The following TSPAN15 variants were observed in gnomAD, a reference collection of about 807,000 sequenced individuals.
TSPAN15 encodes tetraspanin-15.
Under a neutral mutation model 34.5 loss-of-function variants are expected in TSPAN15, and 20 were observed. The ratio of observed to expected loss-of-function variants is 0.58; its 90% CI spans 0.41 to 0.84. The LOEUF (loss-of-function observed/expected upper bound fraction) is 0.84, where lower values mean the gene tolerates loss of function less well. TSPAN15 is among the 40% of genes least tolerant of loss of function. TSPAN15 has a pLI of 0.00. For missense variants in TSPAN15, 313 were observed against 386.1 expected, an observed-to-expected ratio of 0.81 and a Z score of 1.59; for synonymous variants, 155 against 153.9, an observed-to-expected ratio of 1.01 and a Z score of -0.05.
At chr10:69,463,394 G>A (rs1841313098) in intron 1 of TSPAN15, among the ~76,000 whole-genome samples, 1 of 152,190 alleles carries the variant, frequency 6.6e-6, no homozygotes, top group South Asian at 2.1e-4. Flanking sequence ...GCCAGACAGG[G>A]GAGAGGACCT....
chr10:69,544,922 A>C, the TSPAN15 span, among the ~76,000 whole-genome samples: 61 of 152,304 alleles, frequency 4.0e-4, no homozygotes, highest in African/African-American at 1.4e-3. Context: ...CCTGGAGGCC[A>C]CACAGCGCGC....
chr10:69,516,947 C>T, the TSPAN15 span, among the ~76,000 whole-genome samples: 1,310 of 152,242 alleles, frequency 8.6e-3, 15 homozygotes, highest in African/African-American at 0.029. Context: ...CTGTCTGGGC[C>T]CCCAGGACTC....
At chr10:69,504,353 T>C in intron 5 of TSPAN15, 85 bp from the exon 6 acceptor site, 1 of 1,389,734 alleles carries the variant, frequency 7.2e-7, no homozygotes, top group Non-Finnish European at 1.0e-6. Flanking sequence ...GTGCTTCGGT[T>C]TTCATCTGTA....
intron 1 of TSPAN15, among the ~76,000 whole-genome samples, chr10:69,459,689 T>G (rs1169455523): frequency 6.6e-6 from 1 of 152,096 alleles, no homozygotes; most frequent in African/African-American, 2.4e-5. Flanking sequence ...TTCGAGTGAC[T>G]GAGAAGCAGG....
chr10:69,504,531 G>C (rs1484799124), intron 6 of TSPAN15, 46 bp downstream of exon 6: 2 of 1,604,644 alleles, frequency 1.2e-6, no homozygotes, highest in Admixed American at 3.3e-5. Flanking sequence ...GCTCTTCCTG[G>C]TCCACCCTGG....
chr10:69,507,651 GTT>G (rs398014021), exon 8 of TSPAN15: 251,383 of 975,270 alleles, frequency 0.26, 22,656 homozygotes, highest in African/African-American at 0.52. Flanking sequence ...ATAAAAACAT[GTT>G]TTTTTTTTTT....
At chr10:69,515,412 A>T in the TSPAN15 span, among the ~76,000 whole-genome samples, 1 of 152,162 alleles carries the variant, frequency 6.6e-6, no homozygotes, top group Non-Finnish European at 1.5e-5. Flanking sequence ...GTCCTCTCAC[A>T]GGAAGATCCA....
chr10:69,492,891 A>G (rs1841998007), intron 3 of TSPAN15, among the ~76,000 whole-genome samples: 1 of 152,212 alleles, frequency 6.6e-6, no homozygotes, highest in Non-Finnish European at 1.5e-5. Context: ...ATGGTGGGCC[A>G]GGACTGTGTC....
chr10:69,499,718 G>T (rs1842162915), intron 5 of TSPAN15, among the ~76,000 whole-genome samples: 1 of 152,200 alleles, frequency 6.6e-6, no homozygotes, highest in Non-Finnish European at 1.5e-5. Context: ...AGTAGAAAAA[G>T]AAAGTAGGGC....
At chr10:69,485,070 T>C in intron 2 of TSPAN15, 71 bp from the exon 3 acceptor site, 1 of 1,418,222 alleles carries the variant, frequency 7.1e-7, no homozygotes, top group Non-Finnish European at 1.0e-6. Context: ...TTGGAGCAGA[T>C]GGTGCCTCCC....
downstream of TSPAN15, chr10:69,507,794 G>A: frequency 4.9e-6 from 3 of 609,448 alleles, no homozygotes; most frequent in Non-Finnish European, 7.2e-6. Context: ...GCATAGCTTG[G>A]GATACAGGTG....
the TSPAN15 span, among the ~76,000 whole-genome samples, chr10:69,514,791 A>T: frequency 2.0e-5 from 3 of 152,236 alleles, no homozygotes; most frequent in African/African-American, 4.8e-5. Flanking sequence ...GACCATTCTC[A>T]TGAGCATATA....
chr10:69,539,540 AGAAGGAGAAGGAGAAGG>A, the TSPAN15 span, among the ~76,000 whole-genome samples: 255 of 50,932 alleles, frequency 5.0e-3, 15 homozygotes, highest in East Asian at 0.017. Context: ...AAGAAGAAGG[AGAAGGAGAAGGAGAAGG>A]AGAAGGAGAA....
rs1842317454 is a variant in TSPAN15, at chr10:69,506,007, C to G, written c.619-117C>G. On this transcript the variant is annotated intron_variant, in intron 6 of 7. Transcript: ENST00000373290. This position sits in a 1 kb window ranked among gnomAD's most constrained non-coding sequence, Gnocchi z 4.7. ...ACCTTCTCATGCTGCATATGGGAAA[C>G]TGAGGATCACAGCGGTTGAGGGACT... 1.3e-6 allele frequency: 1 copy of G among 757,210 alleles called. No individual in the cohort carries two copies. Among genetic ancestry groups the G allele is most frequent in the Non-Finnish European group, 2.2e-6 (1 of 449,580 alleles). 46.9% of individuals were successfully genotyped at this position (757,210 alleles called of 1,614,324 possible).
At position 69,498,378 on chromosome 10, in the gene TSPAN15, C is replaced by A. The variant is rs145201193; in HGVS notation, c.552C>A (p.Thr184=). 9.9e-6 allele frequency: 16 copies of A among 1,613,848 alleles called. No individual in the cohort carries two copies. Among genetic ancestry groups the A allele is most frequent in the Non-Finnish European group, 1.3e-5 (15 of 1,179,922 alleles). ...CCCTGGCCTGTGGGGTGCCCTACAC[C>A]TGCTGCATCAGGAACACGGTAGACA... is the stretch of plus-strand genomic sequence containing the variant. The part of the protein sequence containing the change: ...PGPLACGVPY[T]CCIRNTTEVV... Residue 184 remains threonine, a synonymous_variant, in exon 5 of 8, where the codon ACC becomes ACA. Transcript: ENST00000373290.
At chr10:69,492,299 T>C (rs1206033117) in intron 3 of TSPAN15, among the ~76,000 whole-genome samples, 2 of 152,086 alleles carry the variant, frequency 1.3e-5, no homozygotes, top group Non-Finnish European at 2.9e-5. Flanking sequence ...GCATAGCACT[T>C]TACAGTTAAA....
the TSPAN15 span, among the ~76,000 whole-genome samples, chr10:69,549,378 C>T: frequency 2.0e-5 from 3 of 152,194 alleles, no homozygotes; most frequent in African/African-American, 7.2e-5. Context: ...CTTATACACT[C>T]CTTCCCTATG....
the TSPAN15 span, among the ~76,000 whole-genome samples, chr10:69,532,215 T>G: frequency 1.3e-5 from 2 of 152,144 alleles, no homozygotes; most frequent in Admixed American, 1.3e-4. Context: ...AGAGCCCACA[T>G]AGCCAAAGCA....
intron 1 of TSPAN15, among the ~76,000 whole-genome samples, chr10:69,464,821 T>A (rs180712743): frequency 6.6e-5 from 10 of 152,200 alleles, no homozygotes; most frequent in African/African-American, 2.2e-4. Context: ...AATGGGACAA[T>A]CTCTAGTGTG....
Sources: allele counts gnomAD v4.1 joint callset (sites outside exome capture counted in the v4.1 genomes callset), GRCh38; gene constraint gnomAD v4.1.1; non-coding constraint Gnocchi (gnomAD v3.1); transcripts MANE v1.5; gene names NCBI Gene and HGNC (gene_info 2026-07-23, HGNC 2026-07-21).